Variants in PDZRN4 observed in about 807,000 individuals in gnomAD.
The protein encoded by PDZRN4 is PDZ domain-containing RING finger protein 4.
Under a neutral mutation model 99.0 loss-of-function variants are expected in PDZRN4, and 70 were observed. The observed-to-expected ratio is 0.71, with a 90% CI of 0.58 to 0.86. PDZRN4 has a LOEUF of 0.86. Ranked by LOEUF, PDZRN4 falls within the 40% of genes least tolerant of loss-of-function variation. PDZRN4 has a pLI of 0.00. For synonymous variants in PDZRN4, 551 were observed against 501.6 expected, an observed-to-expected ratio of 1.10 and a Z score of -1.32; for missense variants, 1,474 against 1,331.2, an observed-to-expected ratio of 1.11 and a Z score of -1.67.
intron 3 of PDZRN4, among the ~76,000 whole-genome samples, chr12:41,373,260 A>G (rs1952056202): frequency 6.6e-6 from 1 of 152,154 alleles, no homozygotes; most frequent in African/African-American, 2.4e-5. Context: ...CATTGATAGC[A>G]TCTTATCAAG....
At chr12:41,257,149 A>G (rs897689683) in intron 3 of PDZRN4, among the ~76,000 whole-genome samples, 12 of 152,174 alleles carry the variant, frequency 7.9e-5, no homozygotes, top group Admixed American at 2.6e-4. Flanking sequence ...TAGATCAAAT[A>G]TGCTCCTGAA....
At chr12:41,307,684 T>C (rs1951581014) in intron 3 of PDZRN4, among the ~76,000 whole-genome samples, 1 of 152,076 alleles carries the variant, frequency 6.6e-6, no homozygotes, top group African/African-American at 2.4e-5. Context: ...TATTTTTTTC[T>C]TACCACATTT....
chr12:41,311,177 A>G (rs996729514), intron 3 of PDZRN4, among the ~76,000 whole-genome samples: 11 of 152,222 alleles, frequency 7.2e-5, no homozygotes, highest in African/African-American at 2.4e-4. Context: ...CCACATCATT[A>G]TATAGATTCA....
intron 3 of PDZRN4, among the ~76,000 whole-genome samples, chr12:41,235,005 AGG>A (rs1566381513): frequency 2.6e-5 from 4 of 152,130 alleles, no homozygotes; most frequent in Non-Finnish European, 5.9e-5. Flanking sequence ...CTACACCGGA[AGG>A]GGTTAGAAGG....
At chr12:41,329,569 A>T (rs1210302911) in intron 3 of PDZRN4, among the ~76,000 whole-genome samples, 2 of 152,212 alleles carry the variant, frequency 1.3e-5, no homozygotes, top group Non-Finnish European at 2.9e-5. Context: ...TATGACAATA[A>T]ATTTATCTGT....
chr12:41,554,570 T>TA (rs35731144), intron 6 of PDZRN4, among the ~76,000 whole-genome samples: 50 of 143,858 alleles, frequency 3.5e-4, no homozygotes, highest in African/African-American at 7.6e-4. Context: ...ACAGTTTGCT[T>TA]AAAAAAAAAA....
chr12:41,459,857 T>C (rs1952853346), intron 3 of PDZRN4: 1 of 1,018,096 alleles, frequency 9.8e-7, no homozygotes, highest in Non-Finnish European at 1.3e-6. Context: ...AAAATACCCA[T>C]TAAATTAACA....
intron 3 of PDZRN4, among the ~76,000 whole-genome samples, chr12:41,502,399 C>A (rs74953102): frequency 6.6e-6 from 1 of 152,146 alleles, no homozygotes; most frequent in Non-Finnish European, 1.5e-5. Flanking sequence ...GAAAAAGGCT[C>A]TTTTCCTATG....
rs933173715 is a variant in PDZRN4, at chr12:41,563,467, T to C, written c.1366-81T>C. The C allele has an allele frequency of 6.9e-6, 7 of 1,014,386 alleles. No individual in the cohort carries two copies. In the African/African-American group the frequency reaches 1.1e-4, roughly 16 times the overall value. 62.8% of individuals were successfully genotyped at this position (1,014,386 alleles called of 1,614,324 possible). A position where few individuals can be genotyped will look rare whatever the true frequency, so the allele number is the denominator to read the frequency against. On this transcript the variant is annotated intron_variant, in intron 7 of 9. Transcript: ENST00000402685. ...AGCTTCATTGTCCATACATTTACCATAAATGAGCTGATATTTGCCATTTAT... is the reference window on the plus strand; with the variant it reads ...AGCTTCATTGTCCATACATTTACCACAAATGAGCTGATATTTGCCATTTAT...
chr12:41,232,192 A>T (rs1398421017), intron 3 of PDZRN4, among the ~76,000 whole-genome samples: 2 of 152,044 alleles, frequency 1.3e-5, no homozygotes, highest in Non-Finnish European at 2.9e-5. Context: ...GCTGAAATTT[A>T]GATTCCTAAG....
chr12:41,235,360 A>G (rs919059527), intron 3 of PDZRN4, among the ~76,000 whole-genome samples: 3 of 152,186 alleles, frequency 2.0e-5, no homozygotes, highest in African/African-American at 7.2e-5. Flanking sequence ...ACTAAAAACA[A>G]TATGGGTTTA....
intron 3 of PDZRN4, among the ~76,000 whole-genome samples, chr12:41,221,384 CT>C (rs1297018216): frequency 6.6e-6 from 1 of 152,124 alleles, no homozygotes; most frequent in African/African-American, 2.4e-5. Flanking sequence ...GAAGAGAAAG[CT>C]GATAACCAAG....
chr12:41,506,675 C>T lies in PDZRN4; in HGVS notation c.1063C>T (p.Pro355Ser). The T allele has an allele frequency of 6.2e-7, 1 of 1,613,664 alleles. No individual in the cohort carries two copies. Among genetic ancestry groups the T allele is most frequent in the South Asian group, 1.1e-5 (1 of 91,052 alleles). ...GGCCAAGCTTCGTCCACCTACCCCT[C>T]CAGTGCCAGACATCTGTCCATTCCT... ...ALAKLRPPTP[P>S]VPDICPFLLS... is the part of the protein sequence containing the mutation. Residue 355 changes from proline to serine, a missense_variant, in exon 4 of 10, where the codon CCA becomes TCA. By Grantham distance (74) the Pro-to-Ser change is moderately conservative (BLOSUM62 -1). Coordinates refer to ENST00000402685, the MANE Select transcript of PDZRN4 (RefSeq NM_001164595.2).
chr12:41,435,435 A>G (rs1952620411), intron 3 of PDZRN4, among the ~76,000 whole-genome samples: 1 of 152,232 alleles, frequency 6.6e-6, no homozygotes, highest in African/African-American at 2.4e-5. Context: ...TTTCATTGAT[A>G]GAAGGGTGAG....
intron 3 of PDZRN4, among the ~76,000 whole-genome samples, chr12:41,308,370 C>T (rs1431372780): frequency 6.6e-6 from 1 of 152,100 alleles, no homozygotes; most frequent in Non-Finnish European, 1.5e-5. Context: ...CCTTAAATAT[C>T]GGTTGAGGAA....
chr12:41,224,974 T>C (rs1775260889), intron 3 of PDZRN4, among the ~76,000 whole-genome samples: 1 of 152,096 alleles, frequency 6.6e-6, no homozygotes, highest in African/African-American at 2.4e-5. Context: ...GCATAAATCA[T>C]AATACCTGGC....
At position 41,518,353 on chromosome 12, in the gene PDZRN4, T is replaced by C. The variant is rs573661945; in HGVS notation, c.1203+8440T>C. Among the ~76,000 whole-genome samples, 8 of 152,138 alleles carry C rather than the reference T, an allele frequency of 5.3e-5. No homozygotes were observed. The East Asian group carries it at 1.4e-3, about 26-fold the overall frequency. Reference sequence around the variant, plus strand: ...ATTGTACCACCTAAGATAACCACAGTTTATATTTTGTGTGTGTTTTCCTCT... The same window carrying C: ...ATTGTACCACCTAAGATAACCACAGCTTATATTTTGTGTGTGTTTTCCTCT... On this transcript the variant is annotated intron_variant, in intron 5 of 9. Transcript: ENST00000402685.
At chr12:41,514,264 T>C (rs771574493) in intron 5 of PDZRN4, among the ~76,000 whole-genome samples, 1 of 152,070 alleles carries the variant, frequency 6.6e-6, no homozygotes, top group Non-Finnish European at 1.5e-5. Context: ...ATGCAAGGCA[T>C]AAGTAAATCC....
At chr12:41,455,040 A>G (rs2120514607) in intron 3 of PDZRN4, among the ~76,000 whole-genome samples, 1 of 152,352 alleles carries the variant, frequency 6.6e-6, no homozygotes, top group African/African-American at 2.4e-5. Flanking sequence ...TGGACAGTGC[A>G]GGGTCTAGAA....
Sources: gnomAD v4.1 joint callset for allele counts (sites outside exome capture counted in the v4.1 genomes callset) on GRCh38, gnomAD v4.1.1 for gene constraint, MANE v1.5 for transcripts, NCBI Gene and HGNC (gene_info 2026-07-23, HGNC 2026-07-21) for gene names.